ARHGAP26: variants seen among roughly 807,000 people sequenced by gnomAD.
ARHGAP26 encodes Rho GTPase activating protein 26.
ARHGAP26 carries 38 observed loss-of-function variants against 104.8 expected under a neutral mutation model. The ratio of observed to expected loss-of-function variants is 0.36; its 90% CI spans 0.28 to 0.48. The LOEUF (loss-of-function observed/expected upper bound fraction) is 0.48, where lower values mean the gene tolerates loss of function less well. Among genes scored for constraint, ARHGAP26 ranks in the 20% least tolerant of loss-of-function variants. The pLI, the probability that ARHGAP26 is intolerant of heterozygous loss-of-function variation, is 0.99. For synonymous variants in ARHGAP26, 341 were observed against 340.0 expected, an observed-to-expected ratio of 1.00 and a Z score of -0.03; for missense variants, 704 against 947.9, an observed-to-expected ratio of 0.74 and a Z score of 3.38.
intron 20 of ARHGAP26, among the ~76,000 whole-genome samples, chr5:143,171,585 TCTTTAAA>T (rs1237145453): frequency 6.6e-6 from 1 of 152,220 alleles, no homozygotes; most frequent in Non-Finnish European, 1.5e-5. Context: ...TCAAGCCAAC[TCTTTAAA>T]CTTTAAATAT....
intron 11 of ARHGAP26, among the ~76,000 whole-genome samples, chr5:142,971,752 C>T (rs1282098540): frequency 6.6e-6 from 1 of 152,180 alleles, no homozygotes; most frequent in African/African-American, 2.4e-5. Context: ...AGGCCATACC[C>T]TCAACTTTTT....
chr5:143,013,108 A>AATTG (rs1779119710), intron 11 of ARHGAP26, among the ~76,000 whole-genome samples: 1 of 152,158 alleles, frequency 6.6e-6, no homozygotes, highest in Non-Finnish European at 1.5e-5. Context: ...AAATATCTAT[A>AATTG]ATTGACTTTA....
chr5:143,123,914 A>G (rs1363181576), intron 18 of ARHGAP26, among the ~76,000 whole-genome samples: 1 of 152,164 alleles, frequency 6.6e-6, no homozygotes, highest in African/African-American at 2.4e-5. Context: ...GGTCTTAGTT[A>G]ATACTTACCA....
chr5:142,879,302 C>T (rs1430950888), intron 3 of ARHGAP26, 72 bp from the exon 4 acceptor site: 2 of 1,397,622 alleles, frequency 1.4e-6, no homozygotes, highest in East Asian at 4.6e-5. Context: ...GCATCTCATG[C>T]TGGAGCTGCT....
At chr5:142,803,387 A>G (rs909023229) in intron 1 of ARHGAP26, among the ~76,000 whole-genome samples, 3 of 152,078 alleles carry the variant, frequency 2.0e-5, no homozygotes, top group East Asian at 1.9e-4. Flanking sequence ...TGCCTTTATG[A>G]TAGCTGAAAA....
intron 11 of ARHGAP26, among the ~76,000 whole-genome samples, chr5:142,942,407 G>T (rs1401987745): frequency 6.6e-6 from 1 of 152,132 alleles, no homozygotes; most frequent in Non-Finnish European, 1.5e-5. Context: ...CAATAAACAT[G>T]AAATAAGATA....
intron 3 of ARHGAP26, among the ~76,000 whole-genome samples, chr5:142,878,522 T>TATGTGTGTGTGTGTGCACGC (rs1756462356): frequency 7.1e-6 from 1 of 140,908 alleles, no homozygotes; most frequent in Non-Finnish European, 1.5e-5. Flanking sequence ...TACTGATGTG[T>TATGTGTGTGTGTGTGCACGC]ATGTGTGTGT....
intron 1 of ARHGAP26, among the ~76,000 whole-genome samples, chr5:142,775,035 A>G (rs1417511576): frequency 2.6e-5 from 4 of 152,214 alleles, no homozygotes; most frequent in Admixed American, 1.3e-4. Context: ...TAGAGCCGAT[A>G]TAAACATTTG....
At chr5:142,814,369 G>C (rs1764701754) in intron 1 of ARHGAP26, among the ~76,000 whole-genome samples, 1 of 152,232 alleles carries the variant, frequency 6.6e-6, no homozygotes, top group Non-Finnish European at 1.5e-5. Flanking sequence ...GTAGCCTAAG[G>C]AGATTCATCG....
chr5:143,106,632 C>T (rs1295209830), intron 17 of ARHGAP26, among the ~76,000 whole-genome samples: 1 of 151,910 alleles, frequency 6.6e-6, no homozygotes, highest in Admixed American at 6.6e-5. Flanking sequence ...GGCACCACGC[C>T]CAGCTAATTT....
intron 11 of ARHGAP26, among the ~76,000 whole-genome samples, chr5:143,007,296 CA>C (rs1342004873): frequency 1.3e-5 from 2 of 151,730 alleles, no homozygotes; most frequent in Non-Finnish European, 2.9e-5. Context: ...GAGTCTTTGG[CA>C]ACCCTGGCCA....
chr5:143,103,255 A>T lies in ARHGAP26; in HGVS notation c.1539-17733A>T, dbSNP rs544937276. 6.3e-5 allele frequency: 62 copies of T among 984,332 alleles called. No individual in the cohort carries two copies. In the African/African-American group the frequency reaches 9.6e-4, roughly 15 times the overall value. The allele number at this position is 984,332 out of a possible 1,614,324, so 61.0% of individuals were successfully genotyped here. On this transcript the variant is annotated intron_variant, in intron 17 of 22. Transcript: ENST00000645722. ...ACATGGGAAAAAGTTCAATATCATT[A>T]CTCTTCAAAGAAATGAAACTTTTAA...
chr5:142,951,978 C>A (rs1768456410), intron 11 of ARHGAP26, among the ~76,000 whole-genome samples: 1 of 152,226 alleles, frequency 6.6e-6, no homozygotes, highest in Non-Finnish European at 1.5e-5. Flanking sequence ...TTCCTCACCT[C>A]TTCCAGTTTC....
intron 1 of ARHGAP26, among the ~76,000 whole-genome samples, chr5:142,797,660 G>A (rs1761259061): frequency 2.0e-5 from 3 of 152,214 alleles, no homozygotes; most frequent in African/African-American, 4.8e-5. Flanking sequence ...TTCTCTCACA[G>A]CAACCCTCGT....
chr5:143,043,057 A>G (rs749575628), intron 14 of ARHGAP26, among the ~76,000 whole-genome samples: 12 of 152,226 alleles, frequency 7.9e-5, no homozygotes, highest in Admixed American at 7.2e-4. Context: ...CCACTTACTC[A>G]GTCTCCTCTA....
At chr5:143,075,066 C>G (rs1338608448) in intron 17 of ARHGAP26, among the ~76,000 whole-genome samples, 2 of 152,334 alleles carry the variant, frequency 1.3e-5, no homozygotes, top group African/African-American at 4.8e-5. Context: ...TAATGGATAG[C>G]AAAGGCTAGA....
chr5:143,110,588 C>T (rs986487389), intron 17 of ARHGAP26, among the ~76,000 whole-genome samples: 1 of 152,116 alleles, frequency 6.6e-6, no homozygotes, highest in Non-Finnish European at 1.5e-5. Flanking sequence ...ACTTTTAAAC[C>T]TCCTCTATTT....
At chr5:143,178,324 C>T (rs1483157770) in intron 20 of ARHGAP26, among the ~76,000 whole-genome samples, 1 of 152,096 alleles carries the variant, frequency 6.6e-6, no homozygotes, top group African/African-American at 2.4e-5. Context: ...AACCTGTAAG[C>T]TCCTGTTCAA....
At chr5:142,875,595 A>G (rs1370286401) in intron 3 of ARHGAP26, among the ~76,000 whole-genome samples, 1 of 152,112 alleles carries the variant, frequency 6.6e-6, no homozygotes. Flanking sequence ...TAAGCACCCA[A>G]CACAGTGCCT....
Sources: allele counts gnomAD v4.1 joint callset (sites outside exome capture counted in the v4.1 genomes callset), GRCh38; gene constraint gnomAD v4.1.1; transcripts MANE v1.5; gene names NCBI Gene and HGNC (gene_info 2026-07-23, HGNC 2026-07-21).